The following DCLK3 variants were observed in gnomAD, a reference collection of about 807,000 sequenced individuals.
DCLK3 encodes the protein doublecortin like kinase 3.
In DCLK3, 30 loss-of-function variants were observed where a neutral mutation model predicts 46.4. The ratio of observed to expected loss-of-function variants is 0.65; its 90% CI spans 0.48 to 0.88. The LOEUF (loss-of-function observed/expected upper bound fraction) is 0.88. DCLK3 is among the 40% of genes least tolerant of loss of function. The pLI, the probability that DCLK3 is intolerant of heterozygous loss-of-function variation, is 0.00. For missense variants in DCLK3, 846 were observed against 907.1 expected (o/e 0.93, Z 0.87); for synonymous variants, 401 against 339.2 (o/e 1.18, Z -2.00).
Position 36,738,750 on chromosome 3 carries a change from C to A in DCLK3, c.417G>T (p.Lys139Asn). 7.7e-7 allele frequency: 1 copy of A among 1,301,898 alleles called. No individual in the cohort carries two copies. 80.6% of individuals were successfully genotyped at this position (1,301,898 alleles called of 1,614,324 possible). A position where few individuals can be genotyped will look rare whatever the true frequency, so the allele number is the denominator to read the frequency against. ...ISEALGSPRW[K>N]NDRVRKLFNL... is the part of the protein sequence containing the mutation. Reference sequence around the variant, plus strand: ...TAAACAGTTTCCTCACACGGTCATTCTTCCATCTGGGAGAGCCCAAGGCTT... The same window carrying A: ...TAAACAGTTTCCTCACACGGTCATTATTCCATCTGGGAGAGCCCAAGGCTT... Residue 139 changes from lysine (K) to asparagine (N), a missense_variant, in exon 2 of 5, where the codon AAG (lysine) becomes AAT (asparagine). By Grantham distance (94) the Lys-to-Asn change is moderately conservative (BLOSUM62 0). Coordinates refer to ENST00000636136, the MANE Select transcript of DCLK3 (RefSeq NM_001394672.2).
At position 36,763,287 on chromosome 3, in the gene DCLK3, A is replaced by G. The variant is rs149632029; in HGVS notation, c.82+895T>C. 1.1e-4 allele frequency among the ~76,000 whole-genome samples: 17 copies of G among 152,354 alleles called. No individual in the cohort carries two copies. The East Asian group carries it at 3.3e-3, about 29-fold the overall frequency. ...AGGAATGACTAACTGTTAGGATTGA[A>G]TAACAACGGAGTTCCCTCCACAACT... On this transcript the variant is annotated intron_variant, in intron 1 of 4. Coordinates refer to ENST00000636136, the MANE Select transcript of DCLK3 (RefSeq NM_001394672.2).
intron 1 of DCLK3, among the ~76,000 whole-genome samples, chr3:36,762,317 CAT>C (rs1001210690): frequency 6.6e-6 from 1 of 152,138 alleles, no homozygotes; most frequent in African/African-American, 2.4e-5. Context: ...GAGAAGGGTC[CAT>C]GTTTTTATCT....
At position 36,713,260 on chromosome 3, in the gene DCLK3, G is replaced by A. The variant is rs531984528; in HGVS notation, c.*2068C>T. On this transcript the variant is annotated 3_prime_UTR_variant, in exon 5 of 5. Coordinates refer to ENST00000636136, the MANE Select transcript of DCLK3 (RefSeq NM_001394672.2). The stretch of plus-strand genomic sequence containing the variant: ...CTATACAAGAGATCCAAAGGTATAG[G>A]AGAAAAAAAAACCAGAAAAATGTGA... 132 of 151,620 alleles carry A rather than the reference G, an allele frequency of 8.7e-4. No individual in the cohort carries two copies. Among genetic ancestry groups the A allele is most frequent in the African/African-American group, 3.0e-3 (123 of 41,456 alleles). The allele number at this position is 151,620 out of a possible 1,614,324, so 9.4% of individuals were successfully genotyped here.
Position 36,712,763 on chromosome 3 carries a change from G to T in DCLK3, c.*2565C>A, listed in dbSNP as rs1411524606. On this transcript the variant is annotated 3_prime_UTR_variant, in exon 5 of 5. Transcript: ENST00000636136. ...CTTTGGCAGTCCATCCATGTTGTTC[G>T]TGTATGAATAGTTCATCCCTTTTTT... The T allele has an allele frequency of 6.6e-6, 1 of 151,990 alleles. No individual in the cohort carries two copies. Among genetic ancestry groups the T allele is most frequent in the African/African-American group, 2.4e-5 (1 of 41,362 alleles). The allele number at this position is 151,990 out of a possible 1,614,324, so 9.4% of individuals were successfully genotyped here. A position where few individuals can be genotyped will look rare whatever the true frequency, so the allele number is the denominator to read the frequency against.
At position 36,762,749 on chromosome 3, in the gene DCLK3, G is replaced by A. The variant is rs563797893; in HGVS notation, c.82+1433C>T. Among the ~76,000 whole-genome samples, 8 of 152,218 alleles carry A rather than the reference G, an allele frequency of 5.3e-5. No homozygotes were observed. The South Asian group carries it at 8.3e-4, about 16-fold the overall frequency. ...GTGAAGGCACCCAGGGTACCAATAC[G>A]CACCAAGATGGCAAAGCTCACCATA... On this transcript the variant is annotated intron_variant, in intron 1 of 4. Coordinates refer to ENST00000636136, the MANE Select transcript of DCLK3 (RefSeq NM_001394672.2).
Position 36,737,535 on chromosome 3 carries a change from G to A in DCLK3, c.1632C>T (p.His544=), listed in dbSNP as rs1429445119. The change falls in exon 2 of 5, where the codon CAC becomes CAT. Residue 544 remains histidine, a synonymous_variant. Coordinates refer to ENST00000636136, the MANE Select transcript of DCLK3 (RefSeq NM_001394672.2). This position sits in a 1 kb window ranked among gnomAD's most constrained non-coding sequence, Gnocchi z 4.4. ...GNFAVVKECR[H]RETRQAYAMK... is the part of the protein sequence containing the mutation. ...TCGCATAGGCCTGCCTGGTCTCGCG[G>A]TGTCTGCACTCCTTCACGACAGCAA... The A allele has an allele frequency of 8.1e-6, 13 of 1,614,050 alleles. No individual in the cohort carries two copies. The Middle Eastern group carries it at 4.9e-4, about 61-fold the overall frequency.
At chr3:36,731,480 CA>C (rs1461422004) in intron 2 of DCLK3, among the ~76,000 whole-genome samples, 8 of 151,736 alleles carry the variant, frequency 5.3e-5, no homozygotes, top group Non-Finnish European at 8.8e-5. Context: ...CACACACACA[CA>C]CCCTTGAAAG....
rs1701299523 is a variant in DCLK3, at chr3:36,738,413, G to A, written c.754C>T (p.Leu252Phe). The change falls in exon 2 of 5, where the codon CTT (leucine) becomes TTT (phenylalanine). Residue 252 changes from leucine (L) to phenylalanine (F), a missense_variant. Around this residue, in one of 3 missense-constraint regions of DCLK3, gnomAD observed 553 missense variants for 543.0 expected, o/e 1.02. Transcript: ENST00000636136. ...GTCCTCGCTCTGTCATCTAGTGAAA[G>A]CTCCTCGGGGATCTTCCCCTGGTGC... is the stretch of plus-strand genomic sequence containing the variant. ...MRHQGKIPEE[L>F]SLDDRARTQK... 1 of 1,476,812 alleles carries A rather than the reference G, an allele frequency of 6.8e-7. No homozygotes were observed. The highest frequency in any genetic ancestry group is 9.0e-7 in the Non-Finnish European group (1 of 1,115,490). The allele number at this position is 1,476,812 out of a possible 1,614,324, so 91.5% of individuals were successfully genotyped here.
At chr3:36,755,014 C>T (rs1167446791) in intron 1 of DCLK3, among the ~76,000 whole-genome samples, 1 of 152,028 alleles carries the variant, frequency 6.6e-6, no homozygotes, top group African/African-American at 2.4e-5. Flanking sequence ...AAGCTTTTGA[C>T]ATAACTGCAA....
intron 2 of DCLK3, among the ~76,000 whole-genome samples, chr3:36,724,890 G>C (rs963054014): frequency 6.6e-6 from 1 of 152,066 alleles, no homozygotes; most frequent in African/African-American, 2.4e-5. Context: ...GCCCTCATTT[G>C]GAGGGGTGGG....
intron 2 of DCLK3, among the ~76,000 whole-genome samples, chr3:36,735,771 A>AT (rs1303684677): frequency 1.3e-5 from 2 of 152,210 alleles, no homozygotes; most frequent in Non-Finnish European, 2.9e-5. Flanking sequence ...AATAATAGTG[A>AT]TAGTCTCTGC....
chr3:36,740,360 C>T (rs1034121070), intron 1 of DCLK3, among the ~76,000 whole-genome samples: 5 of 152,096 alleles, frequency 3.3e-5, no homozygotes, highest in Non-Finnish European at 7.4e-5. Flanking sequence ...CTACTGTGCA[C>T]AGCTTCTTCT....
At position 36,715,339 on chromosome 3, in the gene DCLK3, G is replaced by C; in HGVS notation, c.2443C>G (p.Gln815Glu). 2 of 1,614,118 alleles carry C rather than the reference G, an allele frequency of 1.2e-6. No individual in the cohort carries two copies. Among genetic ancestry groups the C allele is most frequent in the Non-Finnish European group, 8.5e-7 (1 of 1,180,008 alleles). The change falls in exon 5 of 5, where the codon CAG (glutamine) becomes GAG (glutamate). Residue 815 changes from glutamine to glutamate, a missense_variant. By Grantham distance (29) the Gln-to-Glu change is conservative. Around this residue, in one of 3 missense-constraint regions of DCLK3, gnomAD observed 46 missense variants for 41.3 expected, o/e 1.11. Transcript: ENST00000636136. ...TCCCAAGGTGGTGACTATGATACCT[G>C]CTCCACAACCCTCTTGTGCTGGCTC... ...FRSQHKRVVE[Q>E]VS
At chr3:36,759,108 T>C (rs947866174) in intron 1 of DCLK3, among the ~76,000 whole-genome samples, 1 of 152,252 alleles carries the variant, frequency 6.6e-6, no homozygotes, top group African/African-American at 2.4e-5. Flanking sequence ...AAAAATAATT[T>C]AAGCAACACT....
intron 4 of DCLK3, 78 bp from the exon 5 acceptor site, chr3:36,715,599 A>T (rs1700968892): frequency 1.4e-6 from 2 of 1,465,210 alleles, no homozygotes; most frequent in Non-Finnish European, 1.8e-6. Flanking sequence ...TGAAATAAGA[A>T]CATAAACATT....
At chr3:36,721,003 T>C (rs1337402482) in intron 3 of DCLK3, among the ~76,000 whole-genome samples, 1 of 152,218 alleles carries the variant, frequency 6.6e-6, no homozygotes, top group East Asian at 1.9e-4. Context: ...TATTATTTCC[T>C]TTTTAAATGT....
At chr3:36,763,590 T>C (rs1045927216) in intron 1 of DCLK3, among the ~76,000 whole-genome samples, 2 of 152,246 alleles carry the variant, frequency 1.3e-5, no homozygotes, top group Non-Finnish European at 2.9e-5. Context: ...AAGGAGGGTT[T>C]CTTGTCATTT....
intron 3 of DCLK3, 99 bp downstream of exon 3, chr3:36,721,428 C>T (rs1256079349): frequency 6.8e-7 from 1 of 1,476,586 alleles, no homozygotes; most frequent in Non-Finnish European, 9.2e-7. Context: ...AGTGTCAGTT[C>T]TCTGAGATTT....
At chr3:36,734,157 CCAAA>C (rs1487631861) in intron 2 of DCLK3, among the ~76,000 whole-genome samples, 1 of 152,276 alleles carries the variant, frequency 6.6e-6, no homozygotes, top group Admixed American at 6.5e-5. Flanking sequence ...TCTTAGAAGG[CCAAA>C]CAAATTTGCA....
Sources: gnomAD v4.1 joint callset for allele counts (sites outside exome capture counted in the v4.1 genomes callset) on GRCh38, gnomAD v4.1.1 for gene constraint, gnomAD v4.1.1 regional missense constraint, Gnocchi (gnomAD v3.1) non-coding constraint, MANE v1.5 for transcripts, NCBI Gene and HGNC (gene_info 2026-07-23, HGNC 2026-07-21) for gene names.